Variants in RAB3IL1 observed in about 807,000 individuals in gnomAD.
The protein encoded by RAB3IL1 is RAB3A interacting protein like 1, also known as guanine nucleotide exchange factor for Rab-3A.
In RAB3IL1, 37 loss-of-function variants were observed where a neutral mutation model predicts 49.2. That is an observed-to-expected ratio of 0.75 (90% CI 0.58 to 0.99). The LOEUF is 0.99. Ranked by LOEUF, RAB3IL1 falls within the 50% of genes least tolerant of loss-of-function variation. The pLI is 0.00. For missense variants in RAB3IL1, 484 were observed against 513.0 expected, an observed-to-expected ratio of 0.94 and a Z score of 0.55; for synonymous variants, 193 against 213.9, an observed-to-expected ratio of 0.90 and a Z score of 0.85.
intron 1 of RAB3IL1, among the ~76,000 whole-genome samples, chr11:61,914,170 C>T (rs1310800243): frequency 6.6e-6 from 1 of 152,238 alleles, no homozygotes; most frequent in Non-Finnish European, 1.5e-5. Context: ...GATCCATGCC[C>T]TTAGAATAGC....
the RAB3IL1 span, among the ~76,000 whole-genome samples, chr11:61,938,763 T>C: frequency 3.6e-4 from 54 of 151,924 alleles, 2 homozygotes; most frequent in Admixed American, 1.8e-3. Flanking sequence ...CTGTCTCTAC[T>C]AAAAATACAA....
At chr11:61,900,605 G>A (rs1828263382) in intron 8 of RAB3IL1, among the ~76,000 whole-genome samples, 1 of 152,158 alleles carries the variant, frequency 6.6e-6, no homozygotes. Flanking sequence ...CAGGGACAGT[G>A]GATGCCCACA....
chr11:61,943,699 T>C, the RAB3IL1 span, among the ~76,000 whole-genome samples: 50 of 152,230 alleles, frequency 3.3e-4, no homozygotes, highest in Non-Finnish European at 2.8e-4. Flanking sequence ...AAACAGCCAA[T>C]AAGCACATGA....
intron 1 of RAB3IL1, among the ~76,000 whole-genome samples, chr11:61,913,091 G>A (rs901587594): frequency 6.6e-6 from 1 of 152,130 alleles, no homozygotes; most frequent in African/African-American, 2.4e-5. Flanking sequence ...CAGCTGAGGG[G>A]GAATAGGCAG....
the RAB3IL1 span, among the ~76,000 whole-genome samples, chr11:61,945,467 G>A: frequency 3.9e-5 from 6 of 152,160 alleles, no homozygotes; most frequent in Non-Finnish European, 5.9e-5. Context: ...CTAGACAGGC[G>A]GCCTACTGTG....
intron 7 of RAB3IL1, 103 bp downstream of exon 7, chr11:61,904,443 C>G: frequency 3.5e-6 from 4 of 1,148,252 alleles, no homozygotes; most frequent in South Asian, 2.6e-5. Flanking sequence ...CTGTCCCTGT[C>G]CTGTCGGCGC....
At chr11:61,916,579 CA>C (rs1939699598) in intron 1 of RAB3IL1, among the ~76,000 whole-genome samples, 2 of 152,212 alleles carry the variant, frequency 1.3e-5, no homozygotes, top group Non-Finnish European at 2.9e-5. Context: ...GCCCAGGGGG[CA>C]CAGGAGTACA....
intron 1 of RAB3IL1, 118 bp from the exon 2 acceptor site, chr11:61,908,424 G>C (rs2136045853): frequency 8.8e-7 from 1 of 1,136,072 alleles, no homozygotes. Context: ...CTTTCCATCT[G>C]AAAACTGGGA....
At chr11:61,924,460 A>T (rs1939963151), upstream of RAB3IL1, among the ~76,000 whole-genome samples, 1 of 152,136 alleles carries the variant, frequency 6.6e-6, no homozygotes, top group Non-Finnish European at 1.5e-5. Context: ...AGGCCCTGAG[A>T]GACAGGATTC....
At chr11:61,917,319 C>T in intron 1 of RAB3IL1, 38 bp downstream of exon 1, 2 of 1,342,448 alleles carry the variant, frequency 1.5e-6, no homozygotes, top group South Asian at 3.6e-5. Context: ...GACCGCGGCC[C>T]AGACCCAGCG....
chr11:61,916,072 G>A (rs541376333), intron 1 of RAB3IL1, among the ~76,000 whole-genome samples: 109 of 149,544 alleles, frequency 7.3e-4, no homozygotes, highest in Non-Finnish European at 1.1e-3. Flanking sequence ...AGGGCAGGGC[G>A]TGGTGGTAAA....
At chr11:61,907,202 C>G (rs892207234) in intron 4 of RAB3IL1, among the ~76,000 whole-genome samples, 191 bp downstream of exon 4, 1 of 152,220 alleles carries the variant, frequency 6.6e-6, no homozygotes, top group African/African-American at 2.4e-5. Flanking sequence ...ACTGATGGAG[C>G]CCCGGGACAC....
chr11:61,920,208 C>A, upstream of RAB3IL1: 1 of 1,254,266 alleles, frequency 8.0e-7, no homozygotes, highest in Non-Finnish European at 1.0e-6. Flanking sequence ...CAAGGCCAGA[C>A]TGAGGGTCCC....
intron 1 of RAB3IL1, among the ~76,000 whole-genome samples, chr11:61,915,212 G>A (rs1041973138): frequency 6.6e-6 from 1 of 152,198 alleles, no homozygotes; most frequent in South Asian, 2.1e-4. Flanking sequence ...GTGCAGGGGT[G>A]CATGCAGGAA....
At chr11:61,942,527 G>T in the RAB3IL1 span, among the ~76,000 whole-genome samples, 1 of 151,944 alleles carries the variant, frequency 6.6e-6, no homozygotes, top group Admixed American at 6.6e-5. Flanking sequence ...TCCCTCCTTG[G>T]TCTCCCCAAA....
At chr11:61,933,215 ATTAAG>A in the RAB3IL1 span, among the ~76,000 whole-genome samples, 1 of 152,256 alleles carries the variant, frequency 6.6e-6, no homozygotes, top group African/African-American at 2.4e-5. Context: ...TAAAGATGTA[ATTAAG>A]TTAAGGACCG....
upstream of RAB3IL1, among the ~76,000 whole-genome samples, chr11:61,923,235 G>A (rs741887): frequency 0.38 from 58,098 of 152,162 alleles, 12,198 homozygotes; most frequent in Middle Eastern, 0.56. Context: ...GAAAAGGCCC[G>A]ATTGTCTCTT....
In RAB3IL1 at chr11:61,899,765, G is replaced by T. The variant is rs193116834; in HGVS notation, c.1000-385C>A. On this transcript the variant is annotated intron_variant, in intron 8 of 9. Coordinates refer to ENST00000394836, the MANE Select transcript of RAB3IL1 (RefSeq NM_013401.4). The stretch of plus-strand genomic sequence containing the variant: ...GCAGGCTGTCCCGGAGTCTACACTC[G>T]CCCTCTCACAGGCCGGCTTGCTCCA... 972 of 206,716 alleles carry T rather than the reference G, an allele frequency of 4.7e-3. 10 individuals are homozygous for T. Among genetic ancestry groups the T allele is most frequent in the African/African-American group, 0.021 (922 of 43,818 alleles). 12.8% of individuals were successfully genotyped at this position (206,716 alleles called of 1,614,324 possible).
In RAB3IL1 at chr11:61,899,314, C is replaced by G; in HGVS notation, c.1066G>C (p.Ala356Pro). ...YIQQGLVRQD[A>P]EPMFWEIMRL... ...GCACCGGCCACCAGGGGGCGCTCAC[C>G]GTCCTGCCGCACCAGGCCTTGCTGG... Residue 356 changes from alanine (A) to proline (P), a missense_variant and splice_region_variant, in exon 9 of 10, where the codon GCA becomes CCA. Transcript: ENST00000394836. 6 of 1,605,406 alleles carry G rather than the reference C, an allele frequency of 3.7e-6. No homozygotes were observed. Among genetic ancestry groups the G allele is most frequent in the Non-Finnish European group, 5.1e-6 (6 of 1,179,434 alleles).
Sources: allele counts gnomAD v4.1 joint callset (sites outside exome capture counted in the v4.1 genomes callset), GRCh38; gene constraint gnomAD v4.1.1; transcripts MANE v1.5; gene names NCBI Gene and HGNC (gene_info 2026-07-23, HGNC 2026-07-21).